Variants in PCDHGB4 observed in about 807,000 individuals in gnomAD.
PCDHGB4 encodes protocadherin gamma subfamily B, 4, also known as protocadherin gamma-B4.
A neutral mutation model predicts 60.5 loss-of-function variants in PCDHGB4; 38 were observed. That is an observed-to-expected ratio of 0.63 (90% confidence interval 0.48 to 0.82). The LOEUF (loss-of-function observed/expected upper bound fraction) is 0.82. Ranked by LOEUF, PCDHGB4 falls within the 40% of genes least tolerant of loss-of-function variation. PCDHGB4 has a pLI of 0.00. For synonymous variants in PCDHGB4, 456 were observed against 509.7 expected (o/e 0.89, Z 1.42); for missense variants, 1,109 against 1,209.6 (o/e 0.92, Z 1.23).
chr5:141,431,513 C>G lies in PCDHGB4; in HGVS notation c.2397+41232C>G. ...TCAGCCCGAGTACCGCGCGAGCGTT[C>G]CGGAGAATCTGGCCTTGGGCACGCA... On this transcript the variant is annotated intron_variant, in intron 1 of 3. Transcript: ENST00000519479. The surrounding 1 kb of genome is among the most constrained non-coding windows in gnomAD (Gnocchi z 4.8). 6.2e-7 allele frequency: 1 copy of G among 1,614,022 alleles called. No homozygotes were observed. Among genetic ancestry groups the G allele is most frequent in the South Asian group, 1.1e-5 (1 of 91,088 alleles).
In PCDHGB4 at chr5:141,489,750, C is replaced by T. The variant is rs753217170; in HGVS notation, c.2398-5057C>T. On this transcript the variant is annotated intron_variant, in intron 1 of 3. Coordinates refer to ENST00000519479, the MANE Select transcript of PCDHGB4 (RefSeq NM_003736.4). The surrounding 1 kb of genome is among the most constrained non-coding windows in gnomAD (Gnocchi z 4.5). ...TGGGCACCAATACTGTGAGCTTTTA[C>T]ACTCTAAGCCCCAACAGCCACTTCT... 1.2e-6 allele frequency: 2 copies of T among 1,614,098 alleles called. No homozygotes were observed. Among genetic ancestry groups the T allele is most frequent in the Admixed American group, 3.3e-5 (2 of 60,022 alleles).
At chr5:141,399,335 A>G in intron 1 of PCDHGB4, 3 of 1,613,978 alleles carry the variant, frequency 1.9e-6, no homozygotes, top group Non-Finnish European at 2.5e-6. Flanking sequence ...TTGGTAACAG[A>G]TGGAACCCTA....
intron 1 of PCDHGB4, chr5:141,405,271 C>T: frequency 3.1e-6 from 5 of 1,614,094 alleles, no homozygotes; most frequent in Non-Finnish European, 4.2e-6. Flanking sequence ...TCCCCCAGCC[C>T]AACTATGCAG....
rs1024686607 is a variant in PCDHGB4, at chr5:141,487,597, T to C, written c.2398-7210T>C. 6.2e-7 allele frequency: 1 copy of C among 1,614,178 alleles called. No homozygotes were observed. The highest frequency in any genetic ancestry group is 8.5e-7 in the Non-Finnish European group (1 of 1,180,040). ...TTCGCCCAAGCTGCCCACCCTCTGA[T>C]CTTCTCTATGGGCTAGAGGTGAGAC... On this transcript the variant is annotated intron_variant, in intron 1 of 3. Coordinates refer to ENST00000519479, the MANE Select transcript of PCDHGB4 (RefSeq NM_003736.4). The surrounding 1 kb of genome is among the most constrained non-coding windows in gnomAD (Gnocchi z 5.0).
At position 141,393,344 on chromosome 5, in the gene PCDHGB4, C is replaced by G. The variant is rs1428830318; in HGVS notation, c.2397+3063C>G. On this transcript the variant is annotated intron_variant, in intron 1 of 3. Transcript: ENST00000519479. ...GCTACCAGCTCAGCCCCAATCACCA[C>G]TTCTCCCTGGACGTGCAGACTGGAG... The G allele has an allele frequency of 9.9e-6, 16 of 1,613,888 alleles. No individual in the cohort carries two copies. The highest frequency in any genetic ancestry group is 1.2e-5 in the Non-Finnish European group (14 of 1,179,904).
At chr5:141,405,420 T>A in intron 1 of PCDHGB4, 1 of 1,509,592 alleles carries the variant, frequency 6.6e-7, no homozygotes, top group Non-Finnish European at 9.0e-7. Flanking sequence ...TTTTTGTTTT[T>A]TGTTTTGTTT....
intron 1 of PCDHGB4, chr5:141,392,581 C>T: frequency 2.2e-6 from 1 of 463,442 alleles, no homozygotes; most frequent in Non-Finnish European, 3.8e-6. Context: ...GGACTGTAAG[C>T]GCCGCTGTTC....
At chr5:141,434,117 G>T (rs2097672674) in intron 1 of PCDHGB4, among the ~76,000 whole-genome samples, 1 of 152,126 alleles carries the variant, frequency 6.6e-6, no homozygotes, top group African/African-American at 2.4e-5. Context: ...TGGCCTTTGG[G>T]ACTCCCTTTA....
At chr5:141,434,785 T>A (rs7727021) in intron 1 of PCDHGB4, among the ~76,000 whole-genome samples, 45,585 of 150,884 alleles carry the variant, frequency 0.3, 8,100 homozygotes, top group African/African-American at 0.51. Context: ...AAAAAAAAAA[T>A]TTTTTTTTCT....
chr5:141,427,126 C>T (rs1216633922), intron 1 of PCDHGB4: 1 of 457,282 alleles, frequency 2.2e-6, no homozygotes, highest in Non-Finnish European at 4.4e-6. Context: ...TCTTTCAAAT[C>T]CCTACGAGAT....
At chr5:141,418,882 C>T (rs945382775) in intron 1 of PCDHGB4, 8 of 1,613,960 alleles carry the variant, frequency 5.0e-6, no homozygotes, top group Admixed American at 1.7e-5. Flanking sequence ...TAGACGAAAA[C>T]GACAACAGCC....
chr5:141,495,900 G>A (rs1403705200), intron 2 of PCDHGB4, among the ~76,000 whole-genome samples: 2 of 151,894 alleles, frequency 1.3e-5, no homozygotes, highest in East Asian at 1.9e-4. Context: ...CTTTGTCTCT[G>A]TCTCTGTATA....
Position 141,512,554 on chromosome 5 carries a change from T to TAG in PCDHGB4, c.*1383_*1384dup, listed in dbSNP as rs2099884300. ...AAGTTCCCCAGTGCCTCCTTGTGCA[T>TAG]AGACCTTCTTCTCCCACCCCCTTCT... is the stretch of plus-strand genomic sequence containing the variant. On this transcript the variant is annotated 3_prime_UTR_variant, in exon 4 of 4. Coordinates refer to ENST00000519479, the MANE Select transcript of PCDHGB4 (RefSeq NM_003736.4). 6.5e-6 allele frequency: 1 copy of TAG among 153,012 alleles called. No homozygotes were observed. Among genetic ancestry groups the TAG allele is most frequent in the Non-Finnish European group, 1.5e-5 (1 of 68,482 alleles). 9.5% of individuals were successfully genotyped at this position (153,012 alleles called of 1,614,324 possible).
At chr5:141,418,899 T>C (rs1320380997) in intron 1 of PCDHGB4, 1 of 1,613,944 alleles carries the variant, frequency 6.2e-7, no homozygotes. Flanking sequence ...AGCCCAGAAA[T>C]AATCATCACG....
intron 1 of PCDHGB4, chr5:141,410,014 G>C (rs1185262301): frequency 1.2e-6 from 2 of 1,613,296 alleles, no homozygotes. Context: ...ACGCCTGGCT[G>C]TCCTACCACG....
rs1025985501 is a variant in PCDHGB4 at position 141,432,385 on chromosome 5, C to G, written c.2397+42104C>G. 2.5e-6 allele frequency: 4 copies of G among 1,614,138 alleles called. No homozygotes were observed. In the African/African-American group the frequency reaches 5.3e-5, roughly 22 times the overall value. Reference sequence around the variant, plus strand: ...CGCGGGACAACGGGCACCCGCCCCTCAGCAGCAACGTGTCGTTGAGCCTGT... The same window carrying G: ...CGCGGGACAACGGGCACCCGCCCCTGAGCAGCAACGTGTCGTTGAGCCTGT... On this transcript the variant is annotated intron_variant, in intron 1 of 3. Transcript: ENST00000519479. The surrounding 1 kb of genome is among the most constrained non-coding windows in gnomAD (Gnocchi z 6.0).
chr5:141,457,481 G>T (rs990111430), intron 1 of PCDHGB4, among the ~76,000 whole-genome samples: 1 of 152,212 alleles, frequency 6.6e-6, no homozygotes, highest in African/African-American at 2.4e-5. Context: ...CAGGGCCAGG[G>T]TTAGTCTAAA....
chr5:141,395,096 C>T (rs769366827), intron 1 of PCDHGB4: 4 of 1,614,068 alleles, frequency 2.5e-6, no homozygotes, highest in African/African-American at 2.7e-5. Flanking sequence ...CCCTCACCGC[C>T]GACTCGCGGA....
chr5:141,431,408 G>A lies in PCDHGB4; in HGVS notation c.2397+41127G>A. ...CCACCTGGTCCTTACGGCCTCCGAC[G>A]GGGGCGACCCGGTGCGCACAGGCAC... On this transcript the variant is annotated intron_variant, in intron 1 of 3. Transcript: ENST00000519479. The surrounding 1 kb of genome is among the most constrained non-coding windows in gnomAD (Gnocchi z 4.8). 6.2e-7 allele frequency: 1 copy of A among 1,613,718 alleles called. No individual in the cohort carries two copies. The highest frequency in any genetic ancestry group is 2.2e-5 in the East Asian group (1 of 44,882).
Sources: gnomAD v4.1 joint callset for allele counts (sites outside exome capture counted in the v4.1 genomes callset) on GRCh38, gnomAD v4.1.1 for gene constraint, Gnocchi (gnomAD v3.1) non-coding constraint, MANE v1.5 for transcripts, NCBI Gene and HGNC (gene_info 2026-07-23, HGNC 2026-07-21) for gene names.